ATM: variants seen among roughly 807,000 people sequenced by gnomAD.
ATM encodes the protein serine-protein kinase ATM.
A neutral mutation model predicts 387.0 loss-of-function variants in ATM; 308 were observed. That is an observed-to-expected ratio of 0.80 (90% CI 0.73 to 0.87). The LOEUF (loss-of-function observed/expected upper bound fraction) is 0.87, where lower values mean the gene tolerates loss of function less well. Ranked by LOEUF, ATM falls within the 40% of genes least tolerant of loss-of-function variation. The probability of loss-of-function intolerance (pLI) is 0.00; values close to 1 mark genes in which losing one functional copy is unlikely to be tolerated. For synonymous variants in ATM, 1,156 were observed against 1,187.3 expected (o/e 0.97, Z 0.54); for missense variants, 3,312 against 3,560.9 (o/e 0.93, Z 1.78).
chr11:108,308,690 A>G (rs1189778629), intron 38 of ATM: 9 of 287,650 alleles, frequency 3.1e-5, no homozygotes, highest in Non-Finnish European at 5.4e-5. Flanking sequence ...GGTGGTTGGT[A>G]AAGAATGAGA....
At chr11:108,239,951 AT>A (rs2079474942) in intron 5 of ATM, among the ~76,000 whole-genome samples, 1 of 152,128 alleles carries the variant, frequency 6.6e-6, no homozygotes. Context: ...AGTGGTTTCC[AT>A]TTTTTTAAAT....
chr11:108,299,804 C>T lies in ATM; in HGVS notation c.5096C>T (p.Ala1699Val), dbSNP rs992234584. The T allele has an allele frequency of 1.2e-6, 2 of 1,613,808 alleles. No homozygotes were observed. The highest frequency in any genetic ancestry group is 3.3e-5 in the Admixed American group (2 of 59,998). Residue 1699 changes from alanine (A) to valine (V), a missense_variant, in exon 34 of 63, where the codon GCC (alanine) becomes GTC (valine). Ala to Val is a moderately conservative substitution (Grantham distance 64). Coordinates refer to ENST00000675843, the MANE Select transcript of ATM (RefSeq NM_000051.4). ...QHSKDASYTK[A>V]LKLFEDKELQ... ...AGTAAAGATGCATCTTATACCAAGGCCCTTAAGTTATTTGAAGATAAAGAA... is the reference window on the plus strand; with the variant it reads ...AGTAAAGATGCATCTTATACCAAGGTCCTTAAGTTATTTGAAGATAAAGAA...
At chr11:108,308,889 A>G (rs769322955) in intron 38 of ATM, 8 of 789,370 alleles carry the variant, frequency 1.0e-5, no homozygotes, top group Middle Eastern at 4.5e-4. Context: ...GAGGAGGCCT[A>G]TCAGAAGCTT....
rs786202977 is a variant in ATM at position 108,267,319 on chromosome 11, C to T, written c.2615C>T (p.Pro872Leu). 1.9e-6 allele frequency: 3 copies of T among 1,613,790 alleles called. No individual in the cohort carries two copies. The highest frequency in any genetic ancestry group is 2.7e-5 in the African/African-American group (2 of 74,864). Residue 872 changes from proline to leucine, a missense_variant, in exon 17 of 63, where the codon CCT (proline) becomes CTT (leucine). By Grantham distance (98) the Pro-to-Leu change is moderately conservative. This residue lies in a region of ATM where 1,791 missense variants were observed against 1,804.5 expected (regional missense o/e 0.99). Transcript: ENST00000675843. ...PDSSVSDANE[P>L]GESQSTIGAI... ...AGTAGTGTTAGTGATGCAAACGAAC[C>T]TGGAGAGAGCCAAAGTACCATAGGT...
chr11:108,229,104 C>CA (rs1316277350), intron 3 of ATM, 74 bp from the exon 4 acceptor site: 1 of 1,476,356 alleles, frequency 6.8e-7, no homozygotes, highest in African/African-American at 1.4e-5. Flanking sequence ...TTTGTGATGG[C>CA]ATGAACAGCT....
chr11:108,309,201 C>T, intron 38 of ATM: 1 of 531,110 alleles, frequency 1.9e-6, no homozygotes, highest in South Asian at 2.5e-5. Context: ...AACAATAAAA[C>T]AACAACAACA....
At chr11:108,306,785 A>G (rs538855858) in intron 37 of ATM, among the ~76,000 whole-genome samples, 1 of 152,316 alleles carries the variant, frequency 6.6e-6, no homozygotes, top group South Asian at 2.1e-4. Flanking sequence ...CAGCTGTCCA[A>G]AAGCAAACGT....
At chr11:108,229,445 G>A (rs995547393) in intron 4 of ATM, 122 bp downstream of exon 4, 9 of 1,005,272 alleles carry the variant, frequency 9.0e-6, no homozygotes, top group African/African-American at 1.7e-5. Context: ...AATAGAATAA[G>A]ATAAAAGTTG....
chr11:108,273,734 A>T (rs960392253), intron 22 of ATM, among the ~76,000 whole-genome samples: 1 of 152,158 alleles, frequency 6.6e-6, no homozygotes, highest in Admixed American at 6.5e-5. Flanking sequence ...AGCTGACTTG[A>T]TAGTGGTGGA....
chr11:108,269,650 T>C (rs1032669955), intron 18 of ATM, among the ~76,000 whole-genome samples: 1 of 152,208 alleles, frequency 6.6e-6, no homozygotes, highest in Admixed American at 6.5e-5. Context: ...AGGTAGAGCC[T>C]CTGGCCTAGC....
intron 9 of ATM, among the ~76,000 whole-genome samples, chr11:108,249,989 TAGAGAATACAC>T (rs2135305621): frequency 6.6e-6 from 1 of 152,252 alleles, no homozygotes; most frequent in African/African-American, 2.4e-5. Context: ...TCACACATTC[TAGAGAATACAC>T]AGCAAATGTT....
At position 108,293,346 on chromosome 11, in the gene ATM, A is replaced by G. The variant is rs1311437269; in HGVS notation, c.4645A>G (p.Asn1549Asp). Residue 1549 changes from asparagine (N) to aspartate (D), a missense_variant, in exon 31 of 63, where the codon AAC becomes GAC. Coordinates refer to ENST00000675843, the MANE Select transcript of ATM (RefSeq NM_000051.4). ...LDLLKYLVID[N>D]KDNENLYITI... ...CTTGTTGAAATACTTAGTGATAGAT[A>G]ACAAGGATAATGAAAACCTCTATAT... The G allele has an allele frequency of 1.9e-6, 3 of 1,577,956 alleles. No homozygotes were observed. Among genetic ancestry groups the G allele is most frequent in the Non-Finnish European group, 1.7e-6 (2 of 1,150,602 alleles).
At chr11:108,319,001 C>T (rs2084989823) in intron 43 of ATM, among the ~76,000 whole-genome samples, 1 of 151,420 alleles carries the variant, frequency 6.6e-6, no homozygotes, top group Non-Finnish European at 1.5e-5. Flanking sequence ...CATGGTGAAA[C>T]CCCATCTCTA....
At chr11:108,322,458 A>G (rs530776592) in intron 45 of ATM, among the ~76,000 whole-genome samples, 25 of 152,072 alleles carry the variant, frequency 1.6e-4, no homozygotes, top group South Asian at 4.1e-4. Context: ...CCGGCCCCCA[A>G]TGTTTTCTCT....
At chr11:108,331,384 A>C in intron 50 of ATM, 60 bp from the exon 51 acceptor site, 1 of 1,574,490 alleles carries the variant, frequency 6.4e-7, no homozygotes, top group East Asian at 2.3e-5. Flanking sequence ...TTACTTGCTT[A>C]GATGTGAGAA....
intron 37 of ATM, among the ~76,000 whole-genome samples, chr11:108,307,126 T>C (rs1371905970): frequency 6.6e-5 from 10 of 151,932 alleles, no homozygotes; most frequent in East Asian, 3.9e-4. Context: ...CTTTCAGATA[T>C]CACTTTTTCT....
At position 108,301,698 on chromosome 11, in the gene ATM, C is replaced by T. The variant is rs587779844; in HGVS notation, c.5228C>T (p.Thr1743Ile). 6.4e-5 allele frequency: 103 copies of T among 1,613,538 alleles called. No individual in the cohort carries two copies. Among genetic ancestry groups the T allele is most frequent in the Non-Finnish European group, 8.5e-5 (100 of 1,179,784 alleles). Residue 1743 changes from threonine (T) to isoleucine (I), a missense_variant, in exon 35 of 63, where the codon ACA becomes ATA. Transcript: ENST00000675843. Reference sequence around the variant, plus strand: ...ACCTGTTTGAAAAACATTTTAGCCACAAAGACTGGACATAGTTTCTGGGAG... The same window carrying T: ...ACCTGTTTGAAAAACATTTTAGCCATAAAGACTGGACATAGTTTCTGGGAG... ...AVTCLKNILA[T>I]KTGHSFWEIY...
intron 43 of ATM, 113 bp downstream of exon 43, chr11:108,317,634 TATATATATATATATATATAC>T (rs2084826325): frequency 1.7e-5 from 3 of 175,210 alleles, no homozygotes; most frequent in African/African-American, 3.5e-5. Flanking sequence ...TATATATATA[TATATATATATATATATATAC>T]ACACACACAC....
At chr11:108,265,428 A>G (rs973507240) in intron 16 of ATM, among the ~76,000 whole-genome samples, 4 of 152,350 alleles carry the variant, frequency 2.6e-5, no homozygotes, top group Non-Finnish European at 2.9e-5. Flanking sequence ...CTGGCTAGCC[A>G]TATGTAGAAA....
Sources: gnomAD v4.1 joint callset for allele counts (sites outside exome capture counted in the v4.1 genomes callset) on GRCh38, gnomAD v4.1.1 for gene constraint, gnomAD v4.1.1 regional missense constraint, MANE v1.5 for transcripts, NCBI Gene and HGNC (gene_info 2026-07-23, HGNC 2026-07-21) for gene names.